The following SH3RF3 variants were observed in gnomAD, a reference collection of about 807,000 sequenced individuals.
The protein encoded by SH3RF3 is E3 ubiquitin-protein ligase SH3RF3.
In SH3RF3, 29 loss-of-function variants were observed where a neutral mutation model predicts 66.3. That is an observed-to-expected ratio of 0.44 (90% CI 0.33 to 0.60). The LOEUF is 0.60. Among genes scored for constraint, SH3RF3 ranks in the 20% least tolerant of loss-of-function variants. The probability of loss-of-function intolerance (pLI) is 0.04; values close to 1 mark genes in which losing one functional copy is unlikely to be tolerated. For synonymous variants in SH3RF3, 583 were observed against 532.0 expected (o/e 1.10, Z -1.32); for missense variants, 1,194 against 1,190.9 (o/e 1.00, Z -0.04).
At chr2:109,325,768 G>A (rs1682139523) in intron 1 of SH3RF3, among the ~76,000 whole-genome samples, 1 of 152,220 alleles carries the variant, frequency 6.6e-6, no homozygotes, top group South Asian at 2.1e-4. Flanking sequence ...GGAGTAGTGT[G>A]TAGGGGTTCA....
At chr2:109,371,222 C>T (rs1324608317) in intron 2 of SH3RF3, among the ~76,000 whole-genome samples, 1 of 152,168 alleles carries the variant, frequency 6.6e-6, no homozygotes, top group Non-Finnish European at 1.5e-5. Flanking sequence ...GACACCATCT[C>T]TACCAAAAAA....
chr2:109,219,547 A>G (rs1041649931), intron 1 of SH3RF3, among the ~76,000 whole-genome samples: 2 of 152,242 alleles, frequency 1.3e-5, no homozygotes, highest in Non-Finnish European at 2.9e-5. Flanking sequence ...TCTTATGCAT[A>G]GAAAACTCTA....
At chr2:109,177,666 A>G (rs1278314238) in intron 1 of SH3RF3, among the ~76,000 whole-genome samples, 1 of 152,174 alleles carries the variant, frequency 6.6e-6, no homozygotes, top group African/African-American at 2.4e-5. Context: ...TAGACCACAC[A>G]GAGATCCTGC....
At chr2:109,352,504 C>A (rs1468269749) in intron 2 of SH3RF3, among the ~76,000 whole-genome samples, 1 of 152,168 alleles carries the variant, frequency 6.6e-6, no homozygotes, top group Non-Finnish European at 1.5e-5. Context: ...TCTGCTTCTT[C>A]CTGACTGAGA....
chr2:109,273,335 G>T (rs1680671329), intron 1 of SH3RF3, among the ~76,000 whole-genome samples: 1 of 152,346 alleles, frequency 6.6e-6, no homozygotes, highest in Non-Finnish European at 1.5e-5. Context: ...TCTGGAAGGA[G>T]TGCTTCCCTT....
rs776337664 is a variant in SH3RF3 at position 109,148,902 on chromosome 2, GT to G, written c.573+18793del. ...GCTTGTGGAACAATTCTGATTGGTG[GT>G]TTTACCCAAAAAAAATCAAGTTCTA... On this transcript the variant is annotated intron_variant, in intron 1 of 9. Transcript: ENST00000309415. 1.2e-4 allele frequency among the ~76,000 whole-genome samples: 19 copies of G among 152,128 alleles called. No individual in the cohort carries two copies. In the East Asian group the frequency reaches 2.7e-3, roughly 22 times the overall value.
chr2:109,339,310 G>A (rs1026432927), intron 1 of SH3RF3, among the ~76,000 whole-genome samples: 8 of 152,120 alleles, frequency 5.3e-5, no homozygotes, highest in African/African-American at 1.4e-4. Flanking sequence ...TGAAAGTAAT[G>A]ACATGAAAAA....
intron 1 of SH3RF3, among the ~76,000 whole-genome samples, chr2:109,225,517 A>G (rs1265298033): frequency 6.6e-6 from 1 of 152,072 alleles, no homozygotes; most frequent in African/African-American, 2.4e-5. Context: ...GCCCACTCAC[A>G]CTCACCATGT....
chr2:109,238,611 T>C (rs987164434), intron 1 of SH3RF3, among the ~76,000 whole-genome samples: 6 of 152,022 alleles, frequency 3.9e-5, no homozygotes, highest in Non-Finnish European at 7.4e-5. Flanking sequence ...TTTTTCGCAT[T>C]ATGGATGCCA....
intron 1 of SH3RF3, among the ~76,000 whole-genome samples, chr2:109,265,981 C>CTTATGTGCGCATGTGTG (rs896896227): frequency 6.6e-6 from 1 of 152,020 alleles, no homozygotes; most frequent in African/African-American, 2.4e-5. Context: ...CAGACATTTG[C>CTTATGTGCGCATGTGTG]TTATGTGCGC....
intron 8 of SH3RF3, among the ~76,000 whole-genome samples, chr2:109,473,800 G>A (rs777598227): frequency 3.7e-4 from 47 of 125,744 alleles, no homozygotes; most frequent in Admixed American, 2.8e-3. Flanking sequence ...TGAGCCCCCC[G>A]TGCACAGCCA....
chr2:109,416,220 C>G (rs1268442590), intron 4 of SH3RF3, among the ~76,000 whole-genome samples: 2 of 152,134 alleles, frequency 1.3e-5, no homozygotes, highest in Non-Finnish European at 2.9e-5. Flanking sequence ...CGAAGCCCTC[C>G]CAGCCACGCC....
At chr2:109,496,981 A>G (rs1679276539) in intron 9 of SH3RF3, among the ~76,000 whole-genome samples, 1 of 152,182 alleles carries the variant, frequency 6.6e-6, no homozygotes, top group African/African-American at 2.4e-5. Context: ...CAGAGAAGGG[A>G]TGAAGGCAGC....
intron 1 of SH3RF3, among the ~76,000 whole-genome samples, chr2:109,130,433 G>A (rs1391347922): frequency 2.0e-5 from 3 of 152,206 alleles, no homozygotes; most frequent in East Asian, 3.9e-4. Context: ...CCTAGAAACG[G>A]GGACCTTCTT....
chr2:109,329,895 T>G (rs1682246883), intron 1 of SH3RF3, among the ~76,000 whole-genome samples: 1 of 152,210 alleles, frequency 6.6e-6, no homozygotes, highest in African/African-American at 2.4e-5. Flanking sequence ...TCCAAAAGTC[T>G]CTCTGCAGAA....
chr2:109,249,467 C>CTCTCTCTTTCTTTCTT (rs1558981118), intron 1 of SH3RF3, among the ~76,000 whole-genome samples: 7 of 99,290 alleles, frequency 7.1e-5, no homozygotes, highest in Admixed American at 5.4e-4. Context: ...TTCTCTCTTT[C>CTCTCTCTTTCTTTCTT]TCTTTCTTTC....
At chr2:109,375,201 A>C (rs866804024) in intron 3 of SH3RF3, among the ~76,000 whole-genome samples, 28 of 152,322 alleles carry the variant, frequency 1.8e-4, no homozygotes, top group African/African-American at 5.8e-4. Flanking sequence ...TGCTCACCGG[A>C]GATACCTCAC....
At chr2:109,289,921 G>T (rs1379379704) in intron 1 of SH3RF3, among the ~76,000 whole-genome samples, 1 of 152,168 alleles carries the variant, frequency 6.6e-6, no homozygotes, top group Non-Finnish European at 1.5e-5. Flanking sequence ...TCTGCTTCTA[G>T]TTCTTAAATC....
chr2:109,319,751 C>G (rs1193096895), intron 1 of SH3RF3, among the ~76,000 whole-genome samples: 1 of 152,246 alleles, frequency 6.6e-6, no homozygotes, highest in Non-Finnish European at 1.5e-5. Flanking sequence ...CCCAGCCTGT[C>G]CAGGCCGTGT....
Sources: allele counts gnomAD v4.1 joint callset (sites outside exome capture counted in the v4.1 genomes callset), GRCh38; gene constraint gnomAD v4.1.1; transcripts MANE v1.5; gene names NCBI Gene and HGNC (gene_info 2026-07-23, HGNC 2026-07-21).